MRPL1: variants seen among roughly 807,000 people sequenced by gnomAD.
MRPL1 encodes the protein mitochondrial ribosomal protein L1, also known as large ribosomal subunit protein uL1m.
In MRPL1, 28 loss-of-function variants were observed where a neutral mutation model predicts 38.0. The observed-to-expected ratio is 0.74, with a 90% CI of 0.55 to 1.01. MRPL1 has a LOEUF of 1.01. Among genes scored for constraint, MRPL1 ranks in the 50% least tolerant of loss-of-function variants. The pLI is 0.00. For synonymous variants in MRPL1, 123 were observed against 126.7 expected, an observed-to-expected ratio of 0.97 and a Z score of 0.20; for missense variants, 358 against 389.8, an observed-to-expected ratio of 0.92 and a Z score of 0.69.
chr4:77,886,789 CTTT>C (rs71214375), intron 4 of MRPL1, among the ~76,000 whole-genome samples: 4 of 90,514 alleles, frequency 4.4e-5, no homozygotes, highest in Non-Finnish European at 6.0e-5. Flanking sequence ...TTTGCATTTT[CTTT>C]TTTTTTTTTT....
intron 7 of MRPL1, among the ~76,000 whole-genome samples, chr4:77,929,870 T>C (rs555802078): frequency 7.2e-5 from 11 of 152,116 alleles, no homozygotes; most frequent in Non-Finnish European, 1.2e-4. Flanking sequence ...ATTTACCAAG[T>C]TTAAAATATA....
At chr4:77,891,270 A>C (rs899391355) in intron 5 of MRPL1, among the ~76,000 whole-genome samples, 1 of 145,684 alleles carries the variant, frequency 6.9e-6, no homozygotes, top group South Asian at 2.2e-4. Context: ...GTTTGTATAC[A>C]GCTTTCTATT....
intron 7 of MRPL1, among the ~76,000 whole-genome samples, chr4:77,913,546 G>T (rs76061211): frequency 0.012 from 1,776 of 152,280 alleles, 39 homozygotes; most frequent in African/African-American, 0.04. Flanking sequence ...GCGTTTGTGG[G>T]TATGTTAAAT....
At chr4:77,935,744 G>A (rs976446798) in intron 7 of MRPL1, among the ~76,000 whole-genome samples, 7 of 151,874 alleles carry the variant, frequency 4.6e-5, no homozygotes, top group Non-Finnish European at 8.8e-5. Context: ...AGTAAACTGT[G>A]GGCCAGGTGC....
At chr4:77,911,801 C>T (rs973073841) in intron 7 of MRPL1, among the ~76,000 whole-genome samples, 3 of 152,114 alleles carry the variant, frequency 2.0e-5, no homozygotes, top group Admixed American at 2.0e-4. Context: ...AAGAAAACCA[C>T]AATGCAGTAT....
chr4:77,903,884 A>T (rs75487488), intron 6 of MRPL1, among the ~76,000 whole-genome samples: 10,205 of 149,034 alleles, frequency 0.068, 560 homozygotes, highest in African/African-American at 0.16. Flanking sequence ...AGAAAGCTTT[A>T]AAAAAAAAAG....
chr4:77,909,524 T>C (rs775680068), intron 7 of MRPL1, 152 bp downstream of exon 7: 2 of 557,744 alleles, frequency 3.6e-6, no homozygotes. Context: ...GATACTTTTT[T>C]TATTCTATAA....
chr4:77,952,773 C>A lies in MRPL1; in HGVS notation c.*166C>A, dbSNP rs1267312998. ...TTCAAGAATAAGAAAATAAAATTTT[C>A]TCTTTGTCTGAACCTGCCTTTTAGA... On this transcript the variant is annotated 3_prime_UTR_variant, in exon 9 of 9. Coordinates refer to ENST00000315567, the MANE Select transcript of MRPL1 (RefSeq NM_020236.4). 5.4e-6 allele frequency: 3 copies of A among 551,538 alleles called. No homozygotes were observed. The highest frequency in any genetic ancestry group is 1.9e-5 in the African/African-American group (1 of 51,680). The allele number at this position is 551,538 out of a possible 1,614,324, so 34.2% of individuals were successfully genotyped here. A position where few individuals can be genotyped will look rare whatever the true frequency, so the allele number is the denominator to read the frequency against.
At chr4:77,905,897 G>A (rs182128216) in intron 6 of MRPL1, among the ~76,000 whole-genome samples, 1 of 152,254 alleles carries the variant, frequency 6.6e-6, no homozygotes, top group Admixed American at 6.5e-5. Flanking sequence ...ATTCTTCCAG[G>A]AGACATTTAT....
Position 77,879,484 on chromosome 4 carries a change from A to G in MRPL1, c.144-3758A>G, listed in dbSNP as rs1056756165. Among the ~76,000 whole-genome samples the G allele has an allele frequency of 7.2e-5, 11 of 152,304 alleles. No homozygotes were observed. The East Asian group carries it at 2.1e-3, about 29-fold the overall frequency. On this transcript the variant is annotated intron_variant, in intron 2 of 8. Coordinates refer to ENST00000315567, the MANE Select transcript of MRPL1 (RefSeq NM_020236.4). ...GTATCAGACTTTCATTGAATTTTGA[A>G]AATATTTATTAATTTAAAAAGTCAT...
At chr4:77,905,496 CAAAAAA>C (rs374398968) in intron 6 of MRPL1, among the ~76,000 whole-genome samples, 1 of 63,392 alleles carries the variant, frequency 1.6e-5, no homozygotes, top group Non-Finnish European at 2.8e-5. Flanking sequence ...GACTCCGTCT[CAAAAAA>C]AAAAAAAAAA....
chr4:77,898,225 G>A (rs755340829), intron 6 of MRPL1, among the ~76,000 whole-genome samples: 58 of 151,876 alleles, frequency 3.8e-4, no homozygotes, highest in Non-Finnish European at 7.1e-4. Flanking sequence ...TTATGCTTTT[G>A]TATTCATTTT....
chr4:77,917,421 G>GGGGACCGGTTT (rs1277464659), intron 7 of MRPL1, among the ~76,000 whole-genome samples: 2 of 152,144 alleles, frequency 1.3e-5, no homozygotes, highest in Admixed American at 1.3e-4. Flanking sequence ...CAGTAGAAAA[G>GGGGACCGGTTT]GGGACCGGTT....
chr4:77,885,193 A>G, intron 3 of MRPL1, 63 bp from the exon 4 acceptor site: 4 of 1,197,820 alleles, frequency 3.3e-6, no homozygotes, highest in South Asian at 1.2e-5. Flanking sequence ...CTTGTTTTAT[A>G]TAGAGTGTGT....
At chr4:77,928,363 T>C (rs996757801) in intron 7 of MRPL1, among the ~76,000 whole-genome samples, 1 of 152,188 alleles carries the variant, frequency 6.6e-6, no homozygotes, top group African/African-American at 2.4e-5. Context: ...TAGGTTGAAA[T>C]AGTAGCTAGC....
At chr4:77,905,259 G>A (rs1736128290) in intron 6 of MRPL1, among the ~76,000 whole-genome samples, 1 of 152,036 alleles carries the variant, frequency 6.6e-6, no homozygotes, top group Non-Finnish European at 1.5e-5. Context: ...CACTTTGGGA[G>A]GCCGAGGCAG....
At chr4:77,888,714 G>A (rs1031530379) in intron 5 of MRPL1, among the ~76,000 whole-genome samples, 1 of 151,936 alleles carries the variant, frequency 6.6e-6, no homozygotes. Context: ...ATAAAGTTAT[G>A]GAATTTTTTT....
At chr4:77,889,555 C>T (rs1426312024) in intron 5 of MRPL1, among the ~76,000 whole-genome samples, 1 of 152,150 alleles carries the variant, frequency 6.6e-6, no homozygotes, top group Non-Finnish European at 1.5e-5. Flanking sequence ...GGCACCCTAA[C>T]ATCACAATTA....
At chr4:77,866,974 C>T (rs559209237) in intron 1 of MRPL1, among the ~76,000 whole-genome samples, 1 of 152,170 alleles carries the variant, frequency 6.6e-6, no homozygotes, top group South Asian at 2.1e-4. Context: ...TCTCGACCTC[C>T]TGACCTCGTG....
Sources: gnomAD v4.1 joint callset for allele counts (sites outside exome capture counted in the v4.1 genomes callset) on GRCh38, gnomAD v4.1.1 for gene constraint, MANE v1.5 for transcripts, NCBI Gene and HGNC (gene_info 2026-07-23, HGNC 2026-07-21) for gene names.